The following HELB variants were observed in gnomAD, a reference collection of about 807,000 sequenced individuals.
HELB encodes the protein DNA 5'-3' helicase B.
HELB carries 96 observed loss-of-function variants against 101.7 expected under a neutral mutation model. That is an observed-to-expected ratio of 0.94 (90% CI 0.80 to 1.12). HELB has a LOEUF of 1.12. Ranked by LOEUF, HELB falls within the 50% of genes most tolerant of loss-of-function variation. HELB has a pLI of 0.00. For missense variants in HELB, 1,210 were observed against 1,291.9 expected, an observed-to-expected ratio of 0.94 and a Z score of 0.97; for synonymous variants, 437 against 459.7, an observed-to-expected ratio of 0.95 and a Z score of 0.63.
In HELB at chr12:66,331,377, T is replaced by C. The variant is rs757497848; in HGVS notation, c.2894T>C (p.Phe965Ser). 1.8e-5 allele frequency: 29 copies of C among 1,614,110 alleles called. No homozygotes were observed. In the African/African-American group the frequency reaches 3.9e-4, roughly 22 times the overall value. The part of the protein sequence containing the change: ...LSSSGAPPAD[F>S]PSPRKSSGDS... Reference sequence around the variant, plus strand: ...TCTAGCGGCGCACCTCCAGCAGATTTTCCGTCCCCACGGAAGAGCTCTGGA... The same window carrying C: ...TCTAGCGGCGCACCTCCAGCAGATTCTCCGTCCCCACGGAAGAGCTCTGGA... Residue 965 changes from phenylalanine to serine, a missense_variant, in exon 12 of 13, where the codon TTT becomes TCT. Phe to Ser is a radical substitution (Grantham distance 155, BLOSUM62 -2). Around this residue, in one of 2 missense-constraint regions of HELB, gnomAD observed 740 missense variants for 728.8 expected, o/e 1.02. Transcript: ENST00000247815.
At chr12:66,338,651 A>C (rs1199071634), downstream of HELB, 4 of 90,110 alleles carry the variant, frequency 4.4e-5, no homozygotes, top group Non-Finnish European at 1.3e-4. Context: ...CCAAAAAAAA[A>C]ACAAACAAAC....
chr12:66,333,414 A>G (rs1006029544), intron 12 of HELB, among the ~76,000 whole-genome samples: 1 of 152,206 alleles, frequency 6.6e-6, no homozygotes, highest in African/African-American at 2.4e-5. Flanking sequence ...GGCCTAGTGC[A>G]GTGCTCATGC....
chr12:66,312,379 G>C (rs1383527575), intron 4 of HELB, among the ~76,000 whole-genome samples: 2 of 152,172 alleles, frequency 1.3e-5, no homozygotes, highest in African/African-American at 4.8e-5. Flanking sequence ...AGTGAAAGAA[G>C]TTTTAAGGAA....
At chr12:66,337,800 T>C (rs2053882542) in intron 12 of HELB, among the ~76,000 whole-genome samples, 1 of 152,182 alleles carries the variant, frequency 6.6e-6, no homozygotes, top group Non-Finnish European at 1.5e-5. Flanking sequence ...GACCCAGAGC[T>C]GGGTGCTAGA....
Position 66,314,134 on chromosome 12 carries a change from A to G in HELB, c.1829A>G (p.His610Arg). The change falls in exon 5 of 13, where the codon CAC becomes CGC. Residue 610 changes from histidine (H) to arginine (R), a missense_variant. His to Arg is a conservative substitution (Grantham distance 29). Around this residue, in one of 2 missense-constraint regions of HELB, gnomAD observed 740 missense variants for 728.8 expected, o/e 1.02. Transcript: ENST00000247815. ...FKSVLNLLCEHSKLSKLIILG... is the reference protein window; with the variant it reads ...FKSVLNLLCERSKLSKLIILG... ...TCGGTCTTAAATTTATTGTGTGAGC[A>G]CTCCAAACTTTCTAAGCTTATTATC... 1 of 1,613,556 alleles carries G rather than the reference A, an allele frequency of 6.2e-7. No homozygotes were observed. The highest frequency in any genetic ancestry group is 8.5e-7 in the Non-Finnish European group (1 of 1,179,646).
At chr12:66,324,888 T>C in intron 10 of HELB, 95 bp from the exon 11 acceptor site, 1 of 1,474,838 alleles carries the variant, frequency 6.8e-7, no homozygotes, top group South Asian at 1.2e-5. Flanking sequence ...AATTCTTATA[T>C]TTTATGTTTG....
downstream of HELB, chr12:66,340,057 T>C (rs192063638): frequency 9.2e-5 from 14 of 152,380 alleles, no homozygotes; most frequent in African/African-American, 3.4e-4. Context: ...TTTTTGGCTA[T>C]TATGAAATGC....
In HELB at chr12:66,331,547, C is replaced by T. The variant is rs1053290135; in HGVS notation, c.3064C>T (p.Pro1022Ser). ...TFAERWQLSS[P>S]DGVDTDDDLP... ...TGCTGAAAGATGGCAATTATCTTCA[C>T]CTGATGGAGTAGATACAGATGATGA... is the stretch of plus-strand genomic sequence containing the variant. Residue 1022 changes from proline to serine, a missense_variant, in exon 12 of 13, where the codon CCT (proline) becomes TCT (serine). Around this residue, in one of 2 missense-constraint regions of HELB, gnomAD observed 740 missense variants for 728.8 expected, o/e 1.02. Coordinates refer to ENST00000247815, the MANE Select transcript of HELB (RefSeq NM_001370285.1). 25 of 1,614,062 alleles carry T rather than the reference C, an allele frequency of 1.5e-5. No individual in the cohort carries two copies. Among genetic ancestry groups the T allele is most frequent in the Non-Finnish European group, 1.9e-5 (23 of 1,180,018 alleles).
intron 11 of HELB, among the ~76,000 whole-genome samples, chr12:66,327,117 G>C (rs2053751225): frequency 7.1e-6 from 1 of 141,792 alleles, no homozygotes; most frequent in Admixed American, 7.3e-5. Flanking sequence ...GAAAAATAAG[G>C]ATGATAAAAT....
intron 8 of HELB, among the ~76,000 whole-genome samples, 190 bp from the exon 9 acceptor site, chr12:66,322,534 C>A (rs543889335): frequency 1.0e-3 from 150 of 146,868 alleles, no homozygotes; most frequent in African/African-American, 3.6e-3. Context: ...CATTGCACTC[C>A]AGCCTGGGCA....
At chr12:66,316,313 G>A (rs2053604567) in intron 6 of HELB, among the ~76,000 whole-genome samples, 3 of 152,064 alleles carry the variant, frequency 2.0e-5, no homozygotes, top group Admixed American at 1.3e-4. Context: ...ATCATTAATC[G>A]ATGTGACTGT....
chr12:66,330,338 C>A (rs2053790959), intron 11 of HELB, among the ~76,000 whole-genome samples: 1 of 151,824 alleles, frequency 6.6e-6, no homozygotes. Flanking sequence ...AATTGCCCAA[C>A]AATGGAAAAA....
At chr12:66,302,914 G>A in intron 1 of HELB, 124 bp downstream of exon 1, 1 of 741,030 alleles carries the variant, frequency 1.3e-6, no homozygotes, top group Non-Finnish European at 2.1e-6. Flanking sequence ...TGGTCTAGCT[G>A]CTTCATCCTA....
intron 3 of HELB, among the ~76,000 whole-genome samples, chr12:66,308,017 T>TAACAC (rs2053497495): frequency 8.0e-6 from 1 of 124,238 alleles, no homozygotes; most frequent in East Asian, 2.3e-4. Flanking sequence ...AGGCATGAGC[T>TAACAC]AACACACCTG....
downstream of HELB, chr12:66,339,996 T>A (rs1276902059): frequency 6.6e-6 from 1 of 152,258 alleles, no homozygotes; most frequent in Non-Finnish European, 1.5e-5. Flanking sequence ...TAAAGGATAT[T>A]GAATTTGTCC....
chr12:66,307,617 A>G (rs1325739446), intron 3 of HELB, among the ~76,000 whole-genome samples: 1 of 152,164 alleles, frequency 6.6e-6, no homozygotes, highest in Admixed American at 6.5e-5. Flanking sequence ...TAGGCTCACC[A>G]TCTTCCTGGT....
intron 1 of HELB, among the ~76,000 whole-genome samples, chr12:66,303,810 T>G (rs1592628028): frequency 1.3e-5 from 2 of 152,308 alleles, no homozygotes; most frequent in South Asian, 2.1e-4. Flanking sequence ...ATGTATACTT[T>G]GTGACTGAGA....
intron 8 of HELB, among the ~76,000 whole-genome samples, chr12:66,322,490 G>A (rs1223059484): frequency 3.3e-5 from 5 of 150,774 alleles, no homozygotes; most frequent in South Asian, 4.2e-4. Flanking sequence ...GCTTGAACCC[G>A]GGAGGTGGAG....
chr12:66,320,921 GA>G (rs1217711032), intron 7 of HELB, among the ~76,000 whole-genome samples: 1 of 152,134 alleles, frequency 6.6e-6, no homozygotes, highest in African/African-American at 2.4e-5. Context: ...TGGGGAAAGT[GA>G]AAAAAGGTAT....
Sources: gnomAD v4.1 joint callset for allele counts (sites outside exome capture counted in the v4.1 genomes callset) on GRCh38, gnomAD v4.1.1 for gene constraint, gnomAD v4.1.1 regional missense constraint, MANE v1.5 for transcripts, NCBI Gene and HGNC (gene_info 2026-07-23, HGNC 2026-07-21) for gene names.